Variants in SANBR observed in about 807,000 individuals in gnomAD.
The protein encoded by SANBR is SANT and BTB domain regulator of class switch recombination.
A neutral mutation model predicts 101.8 loss-of-function variants in SANBR; 77 were observed. The ratio of observed to expected loss-of-function variants is 0.76; its 90% CI spans 0.63 to 0.91. The LOEUF (loss-of-function observed/expected upper bound fraction) is 0.91, where lower values mean the gene tolerates loss of function less well. SANBR is among the 40% of genes least tolerant of loss of function. The probability of loss-of-function intolerance (pLI) is 0.00; values close to 1 mark genes in which losing one functional copy is unlikely to be tolerated. For missense variants in SANBR, 875 were observed against 853.0 expected, an observed-to-expected ratio of 1.03 and a Z score of -0.32; for synonymous variants, 279 against 274.7, an observed-to-expected ratio of 1.02 and a Z score of -0.15.
At chr2:61,104,520 G>T (rs1263668920) in intron 13 of SANBR, among the ~76,000 whole-genome samples, 1 of 151,602 alleles carries the variant, frequency 6.6e-6, no homozygotes, top group East Asian at 1.9e-4. Context: ...TGATTAAAAA[G>T]GTTAAGACCT....
chr2:61,114,507 T>A (rs1005115341), intron 16 of SANBR, among the ~76,000 whole-genome samples: 1 of 152,216 alleles, frequency 6.6e-6, no homozygotes, highest in Admixed American at 6.5e-5. Context: ...CATAACTCTA[T>A]CCTGAGGCTT....
chr2:61,099,028 G>A lies in SANBR; in HGVS notation c.1365+1176G>A, dbSNP rs557312872. Among the ~76,000 whole-genome samples the A allele has an allele frequency of 3.9e-5, 6 of 152,342 alleles. No homozygotes were observed. The South Asian group carries it at 8.3e-4, about 21-fold the overall frequency. ...AGATCTGAAGGATTCGTAGGAGTAC[G>A]TGAGGTGAAGAGGAAAGGAAAGAGC... is the stretch of plus-strand genomic sequence containing the variant. On this transcript the variant is annotated intron_variant, in intron 12 of 21. Transcript: ENST00000402291.
chr2:61,115,149 C>A (rs1381670840), intron 16 of SANBR, among the ~76,000 whole-genome samples: 1 of 152,068 alleles, frequency 6.6e-6, no homozygotes, highest in East Asian at 1.9e-4. Context: ...TAATAAAATT[C>A]AGTGAAGCCA....
At chr2:61,088,059 T>G in intron 8 of SANBR, 100 bp from the exon 9 acceptor site, 2 of 610,636 alleles carry the variant, frequency 3.3e-6, no homozygotes, top group Admixed American at 3.5e-5. Flanking sequence ...CCACTAAGGA[T>G]TTATTAATCT....
At chr2:61,093,012 A>T (rs1004695216) in intron 11 of SANBR, among the ~76,000 whole-genome samples, 2 of 152,160 alleles carry the variant, frequency 1.3e-5, no homozygotes, top group South Asian at 4.1e-4. Flanking sequence ...ACATGCCTGT[A>T]ATCCCAGCTA....
At chr2:61,081,066 C>G (rs533048389) in intron 6 of SANBR, among the ~76,000 whole-genome samples, 2 of 152,206 alleles carry the variant, frequency 1.3e-5, no homozygotes, top group Admixed American at 6.5e-5. Context: ...AAGCATTGAA[C>G]TCTTTAAATT....
intron 2 of SANBR, among the ~76,000 whole-genome samples, chr2:61,069,909 C>T (rs1435728509): frequency 1.3e-5 from 2 of 152,154 alleles, no homozygotes; most frequent in Non-Finnish European, 2.9e-5. Context: ...AATCTGCTGT[C>T]TTAGCCCATA....
intron 16 of SANBR, among the ~76,000 whole-genome samples, chr2:61,115,302 C>T (rs984123518): frequency 2.0e-5 from 3 of 151,518 alleles, no homozygotes; most frequent in African/African-American, 7.3e-5. Flanking sequence ...TCCAGTTTGT[C>T]AGATTTATTG....
rs539638286 is a variant in SANBR at position 61,122,914 on chromosome 2, A to G, written c.*752A>G. 2 of 985,424 alleles carry G rather than the reference A, an allele frequency of 2.0e-6. No homozygotes were observed. The highest frequency in any genetic ancestry group is 3.5e-5 in the African/African-American group (2 of 57,336). The allele number at this position is 985,424 out of a possible 1,614,324, so 61.0% of individuals were successfully genotyped here. On this transcript the variant is annotated 3_prime_UTR_variant, in exon 22 of 22. Transcript: ENST00000402291. ...ACCATTGATAGTTTTAGGATAGTAA[A>G]TCATTTCTGTTATATGAGACACCCA...
chr2:61,117,591 T>C (rs922874178), intron 19 of SANBR, 51 bp downstream of exon 19: 4 of 1,442,076 alleles, frequency 2.8e-6, no homozygotes, highest in East Asian at 2.3e-5. Flanking sequence ...ATAGCAATGA[T>C]TGGTGTGTGT....
At chr2:61,121,346 A>G in intron 21 of SANBR, 70 bp downstream of exon 21, 4 of 983,548 alleles carry the variant, frequency 4.1e-6, no homozygotes, top group Non-Finnish European at 6.3e-6. Context: ...GATAAATCAT[A>G]TGAACACTAG....
intron 21 of SANBR, 122 bp from the exon 22 acceptor site, chr2:61,122,004 T>A (rs1485784380): frequency 1.5e-6 from 2 of 1,303,074 alleles, no homozygotes; most frequent in African/African-American, 3.0e-5. Context: ...GAAAATGGAT[T>A]ACGGAGCTGC....
chr2:61,109,046 T>G (rs1411165265), intron 15 of SANBR, 151 bp from the exon 16 acceptor site: 1 of 407,386 alleles, frequency 2.5e-6, no homozygotes, highest in Non-Finnish European at 4.4e-6. Context: ...AAAATTCTTA[T>G]GTCTATTTCC....
intron 5 of SANBR, among the ~76,000 whole-genome samples, chr2:61,075,521 A>C (rs1681720094): frequency 6.6e-6 from 1 of 152,182 alleles, no homozygotes; most frequent in Non-Finnish European, 1.5e-5. Context: ...GGCCTCCCAA[A>C]GTGCTGGGAT....
At chr2:61,082,818 C>T (rs1682208263) in intron 7 of SANBR, among the ~76,000 whole-genome samples, 1 of 149,678 alleles carries the variant, frequency 6.7e-6, no homozygotes. Context: ...GACTCCATCT[C>T]AGAAAAAAAA....
intron 12 of SANBR, 51 bp from the exon 13 acceptor site, chr2:61,103,801 AG>A: frequency 6.6e-7 from 1 of 1,526,666 alleles, no homozygotes; most frequent in Non-Finnish European, 9.0e-7. Context: ...TGATCTTTAA[AG>A]GAGTGTTCTA....
chr2:61,107,407 A>G (rs755156544), intron 14 of SANBR, among the ~76,000 whole-genome samples: 1 of 151,982 alleles, frequency 6.6e-6, no homozygotes, highest in Non-Finnish European at 1.5e-5. Flanking sequence ...CAAACACACA[A>G]AAGTTTCAAA....
At chr2:61,095,102 A>G (rs963527940) in intron 11 of SANBR, among the ~76,000 whole-genome samples, 2 of 152,186 alleles carry the variant, frequency 1.3e-5, no homozygotes, top group Non-Finnish European at 2.9e-5. Context: ...AGCAATTGAT[A>G]TAGTCAGGTT....
chr2:61,119,725 A>G (rs988580785), intron 20 of SANBR, among the ~76,000 whole-genome samples: 1 of 152,184 alleles, frequency 6.6e-6, no homozygotes, highest in Non-Finnish European at 1.5e-5. Context: ...TGGGAGGCCA[A>G]GGTGGAAGGA....
Sources: allele counts gnomAD v4.1 joint callset (sites outside exome capture counted in the v4.1 genomes callset), GRCh38; gene constraint gnomAD v4.1.1; transcripts MANE v1.5; gene names NCBI Gene and HGNC (gene_info 2026-07-23, HGNC 2026-07-21).